Variants in LARGE1 observed in about 807,000 individuals in gnomAD.
The protein encoded by LARGE1 is LARGE xylosyl- and glucuronyltransferase 1, also known as xylosyl- and glucuronyltransferase LARGE1.
Under a neutral mutation model 87.6 loss-of-function variants are expected in LARGE1, and 43 were observed. The observed-to-expected ratio is 0.49, with a 90% confidence interval of 0.38 to 0.63. The LOEUF (loss-of-function observed/expected upper bound fraction) is 0.63, where lower values mean the gene tolerates loss of function less well. LARGE1 is among the 30% of genes least tolerant of loss of function. The pLI is 0.00. For synonymous variants in LARGE1, 434 were observed against 394.6 expected, an observed-to-expected ratio of 1.10 and a Z score of -1.18; for missense variants, 802 against 1,000.2, an observed-to-expected ratio of 0.80 and a Z score of 2.67.
chr22:33,371,758 G>C (rs1391869399), intron 9 of LARGE1, among the ~76,000 whole-genome samples: 3 of 152,164 alleles, frequency 2.0e-5, no homozygotes, highest in Admixed American at 2.0e-4. Context: ...GCCGAGGTGG[G>C]TGGATCATGA....
At chr22:33,692,823 C>G (rs928796526) in intron 2 of LARGE1, among the ~76,000 whole-genome samples, 4 of 152,096 alleles carry the variant, frequency 2.6e-5, no homozygotes, top group African/African-American at 9.7e-5. Context: ...GACATATGTA[C>G]TTTTTATGAA....
At chr22:33,429,163 C>G (rs569029897) in intron 7 of LARGE1, among the ~76,000 whole-genome samples, 1 of 152,030 alleles carries the variant, frequency 6.6e-6, no homozygotes, top group Non-Finnish European at 1.5e-5. Flanking sequence ...TCTCCAGGGT[C>G]GTCCTCAGTT....
intron 2 of LARGE1, among the ~76,000 whole-genome samples, chr22:33,695,713 A>G (rs554805408): frequency 1.3e-5 from 2 of 152,342 alleles, no homozygotes; most frequent in Admixed American, 6.5e-5. Flanking sequence ...CCAGGATTCA[A>G]TAATGTTTAT....
At chr22:33,684,508 G>A (rs2081885520) in intron 2 of LARGE1, among the ~76,000 whole-genome samples, 1 of 151,874 alleles carries the variant, frequency 6.6e-6, no homozygotes, top group Non-Finnish European at 1.5e-5. Context: ...GTATTTCACT[G>A]ATCTCCTGAG....
intron 1 of LARGE1, among the ~76,000 whole-genome samples, chr22:33,882,035 G>GTTTTTGTTTGTTTTTTTTTTT (rs2064702357): frequency 6.9e-6 from 1 of 144,228 alleles, no homozygotes; most frequent in Non-Finnish European, 1.5e-5. Flanking sequence ...TTTTGTTTTT[G>GTTTTTGTTTGTTTTTTTTTTT]TTTTTTTTTG....
intron 6 of LARGE1, among the ~76,000 whole-genome samples, chr22:33,510,151 C>T (rs1214585921): frequency 6.6e-6 from 1 of 152,130 alleles, no homozygotes; most frequent in African/African-American, 2.4e-5. Flanking sequence ...GATGTAAACA[C>T]AATAATAGTA....
chr22:33,285,128 T>A (rs534185689), intron 12 of LARGE1, among the ~76,000 whole-genome samples: 1 of 152,316 alleles, frequency 6.6e-6, no homozygotes, highest in South Asian at 2.1e-4. Context: ...ACTCCCTGGC[T>A]TGGATATTCT....
the LARGE1 span, among the ~76,000 whole-genome samples, chr22:33,129,695 C>T: frequency 5.9e-5 from 9 of 152,102 alleles, no homozygotes; most frequent in Non-Finnish European, 1.3e-4. Flanking sequence ...AAGAAACTTA[C>T]AATCATGGTG....
intron 1 of LARGE1, among the ~76,000 whole-genome samples, chr22:33,818,005 T>A (rs1413636272): frequency 6.6e-6 from 1 of 152,124 alleles, no homozygotes; most frequent in African/African-American, 2.4e-5. Context: ...GAAGGGCCTT[T>A]ACAGGCAGAT....
chr22:33,780,687 C>A (rs2085391383), intron 1 of LARGE1, among the ~76,000 whole-genome samples: 1 of 152,212 alleles, frequency 6.6e-6, no homozygotes, highest in African/African-American at 2.4e-5. Context: ...CTTATCCATT[C>A]CAAAACCCAT....
At chr22:33,320,462 G>GT (rs939972071) in intron 10 of LARGE1, among the ~76,000 whole-genome samples, 1 of 152,154 alleles carries the variant, frequency 6.6e-6, no homozygotes, top group African/African-American at 2.4e-5. Context: ...CACTCAGTTC[G>GT]TAACTCCATT....
Position 33,283,260 on chromosome 22 carries a change from G to T in LARGE1, c.1819C>A (p.Pro607Thr). The change falls in exon 13 of 15, where the codon CCC (proline) becomes ACC (threonine). Residue 607 changes from proline to threonine, a missense_variant. Transcript: ENST00000397394. ...FETLRYRLSF[P>T]KSKAELLSML... ...GACAGCAACTCCGCTTTTGACTTGG[G>T]GAAGGACAGCCGGTAGCGCAGTGTC... The T allele has an allele frequency of 6.2e-7, 1 of 1,614,160 alleles. No individual in the cohort carries two copies. Among genetic ancestry groups the T allele is most frequent in the Non-Finnish European group, 8.5e-7 (1 of 1,180,034 alleles).
In LARGE1 at chr22:33,282,070, C is replaced by T. The variant is rs149596213; in HGVS notation, c.1877+1132G>A. Among the ~76,000 whole-genome samples, 430 of 152,310 alleles carry T rather than the reference C, an allele frequency of 2.8e-3. 5 individuals are homozygous for T. Among genetic ancestry groups the T allele is most frequent in the African/African-American group, 9.6e-3 (398 of 41,578 alleles). ...ACTTTAACACTGGAGCAGGGCCAGG[C>T]GCAGTGGCTTAGGCCTGTAATCCCA... On this transcript the variant is annotated intron_variant, in intron 13 of 14. Coordinates refer to ENST00000397394, the MANE Select transcript of LARGE1 (RefSeq NM_133642.5).
chr22:33,200,233 A>G (rs1429743650), intron 11 of LARGE1, among the ~76,000 whole-genome samples: 1 of 152,218 alleles, frequency 6.6e-6, no homozygotes, highest in Admixed American at 6.5e-5. Context: ...GCAGGGAGAG[A>G]CAGATAAATA....
In LARGE1 at chr22:33,184,088, C is replaced by CTA. The variant is rs144013990; in HGVS notation, c.1731-17258_1731-17257dup. Among the ~76,000 whole-genome samples the CTA allele has an allele frequency of 1.2e-3, 130 of 105,272 alleles. 10 individuals are homozygous for CTA. The highest frequency in any genetic ancestry group is 5.3e-3 in the Middle Eastern group (1 of 188). 69.1% of individuals were successfully genotyped at this position (105,272 alleles called of 152,430 possible). On this transcript the variant is annotated intron_variant, in intron 11 of 11. Coordinates refer to the LARGE1 transcript ENST00000608642. ...TAATTTGACTGTGGTAATCAGTACA[C>CTA]TATATATATATATATCATATCTTTA...
At chr22:33,555,855 G>T (rs572798444) in intron 6 of LARGE1, among the ~76,000 whole-genome samples, 1 of 151,854 alleles carries the variant, frequency 6.6e-6, no homozygotes, top group South Asian at 2.1e-4. Context: ...GCCTGAGCCC[G>T]GGAGGTGGAG....
the LARGE1 span, among the ~76,000 whole-genome samples, chr22:33,076,881 T>G: frequency 6.6e-6 from 1 of 152,212 alleles, no homozygotes; most frequent in African/African-American, 2.4e-5. Flanking sequence ...TAGTGAATAG[T>G]GAATAAATTC....
intron 7 of LARGE1, 51 bp downstream of exon 7, chr22:33,432,110 G>A: frequency 1.4e-6 from 2 of 1,408,290 alleles, no homozygotes; most frequent in Non-Finnish European, 2.0e-6. Context: ...AGGAGCACTG[G>A]GTCCTCATAT....
At chr22:33,811,039 C>T in intron 1 of LARGE1, among the ~76,000 whole-genome samples, 1 of 152,178 alleles carries the variant, frequency 6.6e-6, no homozygotes, top group East Asian at 1.9e-4. Flanking sequence ...TAACCTGCCC[C>T]CGACTCATAT....
Sources: allele counts gnomAD v4.1 joint callset (sites outside exome capture counted in the v4.1 genomes callset), GRCh38; gene constraint gnomAD v4.1.1; transcripts MANE v1.5; gene names NCBI Gene and HGNC (gene_info 2026-07-23, HGNC 2026-07-21).